Variants in SRGAP1 observed in about 807,000 individuals in gnomAD.
SRGAP1 encodes the protein SLIT-ROBO Rho GTPase-activating protein 1.
A neutral mutation model predicts 121.9 loss-of-function variants in SRGAP1; 43 were observed. The ratio of observed to expected loss-of-function variants is 0.35; its 90% CI spans 0.28 to 0.46. The LOEUF is 0.46. Ranked by LOEUF, SRGAP1 falls within the 20% of genes least tolerant of loss-of-function variation. SRGAP1 has a pLI of 1.00. For missense variants in SRGAP1, 1,102 were observed against 1,350.9 expected (o/e 0.82, Z 2.89); for synonymous variants, 447 against 485.4 (o/e 0.92, Z 1.04).
intron 3 of SRGAP1, among the ~76,000 whole-genome samples, chr12:63,998,420 C>T (rs1185676977): frequency 6.6e-6 from 1 of 152,164 alleles, no homozygotes; most frequent in Non-Finnish European, 1.5e-5. Context: ...TAGTAACCTA[C>T]CTTCACAGGT....
intron 6 of SRGAP1, among the ~76,000 whole-genome samples, chr12:64,050,097 C>T (rs1451745629): frequency 6.6e-6 from 1 of 151,994 alleles, no homozygotes; most frequent in Non-Finnish European, 1.5e-5. Context: ...TTGTAGAGAT[C>T]TTTCACTTCT....
intron 1 of SRGAP1, among the ~76,000 whole-genome samples, chr12:63,979,131 C>A (rs1018658580): frequency 2.3e-4 from 33 of 146,544 alleles, no homozygotes; most frequent in African/African-American, 8.3e-4. Context: ...CCTCTGCCTG[C>A]CAGGTTCAAG....
rs78944154 is a variant in SRGAP1 at position 63,922,398 on chromosome 12, G to A, written c.68-61549G>A. 5.4e-4 allele frequency among the ~76,000 whole-genome samples: 82 copies of A among 152,274 alleles called. No individual in the cohort carries two copies. In the East Asian group the frequency reaches 0.015, roughly 29 times the overall value. ...AAAACAGGATTATTGTAAACAGAAG[G>A]CATTTCAGTAGCATTTACAGATTTG... On this transcript the variant is annotated intron_variant, in intron 1 of 21. Coordinates refer to ENST00000355086, the MANE Select transcript of SRGAP1 (RefSeq NM_020762.4).
chr12:64,075,844 A>G (rs1172628595), intron 8 of SRGAP1, among the ~76,000 whole-genome samples: 1 of 151,766 alleles, frequency 6.6e-6, no homozygotes, highest in African/African-American at 2.4e-5. Context: ...TTTAATATTA[A>G]TTCCATCACA....
chr12:64,112,032 A>G (rs1380870414), intron 17 of SRGAP1, 46 bp downstream of exon 17: 1 of 1,436,846 alleles, frequency 7.0e-7, no homozygotes, highest in African/African-American at 1.4e-5. Flanking sequence ...AAAATTATGG[A>G]AATATAGCTA....
rs377205843 is a variant in SRGAP1, at chr12:64,070,603, T to C, written c.1125+5384T>C. ...TTTGCGACAGTGTTGAATGAACAGA[T>C]AGCTCCACGTAAATTTTCCTAGCAC... On this transcript the variant is annotated intron_variant, in intron 8 of 21. Coordinates refer to ENST00000355086, the MANE Select transcript of SRGAP1 (RefSeq NM_020762.4). Among the ~76,000 whole-genome samples the C allele has an allele frequency of 2.0e-5, 3 of 152,312 alleles. No individual in the cohort carries two copies. In the East Asian group the frequency reaches 5.8e-4, roughly 29 times the overall value.
At chr12:63,912,083 A>G (rs1416877790) in intron 1 of SRGAP1, among the ~76,000 whole-genome samples, 1 of 152,086 alleles carries the variant, frequency 6.6e-6, no homozygotes, top group African/African-American at 2.4e-5. Context: ...GAGAAGGGGG[A>G]CATTATACAC....
chr12:64,043,688 CAAAAAG>C, intron 6 of SRGAP1, 113 bp downstream of exon 6: 1 of 755,918 alleles, frequency 1.3e-6, no homozygotes, highest in Non-Finnish European at 2.0e-6. Flanking sequence ...ACGTAATACT[CAAAAAG>C]AAAAAAATAC....
intron 1 of SRGAP1, among the ~76,000 whole-genome samples, chr12:63,916,615 CAG>C (rs2030790399): frequency 6.6e-6 from 1 of 152,056 alleles, no homozygotes. Context: ...GAAATGTGTG[CAG>C]AGTGTTCTAA....
At chr12:63,941,809 G>A (rs2031879469) in intron 1 of SRGAP1, among the ~76,000 whole-genome samples, 1 of 152,200 alleles carries the variant, frequency 6.6e-6, no homozygotes, top group South Asian at 2.1e-4. Flanking sequence ...TGATGCCAAC[G>A]AGCCTGGATT....
At chr12:63,944,853 G>A (rs535310418) in intron 1 of SRGAP1, among the ~76,000 whole-genome samples, 1 of 152,180 alleles carries the variant, frequency 6.6e-6, no homozygotes. Flanking sequence ...TGCACAGTGA[G>A]GCACAAAGTG....
chr12:64,099,423 A>C (rs1251548472), intron 15 of SRGAP1, among the ~76,000 whole-genome samples: 1 of 152,210 alleles, frequency 6.6e-6, no homozygotes, highest in African/African-American at 2.4e-5. Flanking sequence ...GAGCATGTTA[A>C]GTTAAATAGA....
At chr12:64,128,809 T>TC (rs2036740176) in intron 21 of SRGAP1, among the ~76,000 whole-genome samples, 1 of 152,236 alleles carries the variant, frequency 6.6e-6, no homozygotes, top group African/African-American at 2.4e-5. Flanking sequence ...CTGAACACAT[T>TC]CAGGTCTTTG....
intron 10 of SRGAP1, among the ~76,000 whole-genome samples, chr12:64,085,810 G>GGAGAT (rs2035926444): frequency 2.6e-5 from 4 of 152,196 alleles, no homozygotes; most frequent in Middle Eastern, 3.2e-3. Flanking sequence ...AGGAGGAAGA[G>GGAGAT]GAGATTCTTC....
At chr12:63,899,601 C>T (rs985990888) in intron 1 of SRGAP1, among the ~76,000 whole-genome samples, 3 of 152,134 alleles carry the variant, frequency 2.0e-5, no homozygotes, top group Admixed American at 6.6e-5. Context: ...TTAACACCTC[C>T]GCGTTTGCCT....
At chr12:64,016,043 C>CTG (rs1163186559) in intron 3 of SRGAP1, among the ~76,000 whole-genome samples, 2 of 152,110 alleles carry the variant, frequency 1.3e-5, no homozygotes, top group African/African-American at 4.8e-5. Context: ...TTTTTACCAA[C>CTG]TGGGTAGAAG....
Position 64,156,662 on chromosome 12 carries a change from C to T in SRGAP1, c.*13990C>T, listed in dbSNP as rs1271060116. The T allele has an allele frequency of 6.6e-6, 1 of 152,114 alleles. No homozygotes were observed. Among genetic ancestry groups the T allele is most frequent in the East Asian group, 1.9e-4 (1 of 5,188 alleles). The allele number at this position is 152,114 out of a possible 1,614,324, so 9.4% of individuals were successfully genotyped here. On this transcript the variant is annotated 3_prime_UTR_variant, in exon 22 of 22. Coordinates refer to ENST00000355086, the MANE Select transcript of SRGAP1 (RefSeq NM_020762.4). ...TAATCTAGCCTTATTACACCGAGTA[C>T]AACAGGGAATAATAAGCCATCTATC... is the stretch of plus-strand genomic sequence containing the variant.
At chr12:63,946,293 C>CTTTTTTTTTTTTTTTT (rs77103965) in intron 1 of SRGAP1, among the ~76,000 whole-genome samples, 1 of 136,740 alleles carries the variant, frequency 7.3e-6, no homozygotes, top group African/African-American at 2.7e-5. Flanking sequence ...CTTTTTTTTT[C>CTTTTTTTTTTTTTTTT]TTTTTTTTTT....
rs6144742 is a variant in SRGAP1, at chr12:64,039,628, C to CGTGTGT, written c.490-3135_490-3130dup. Among the ~76,000 whole-genome samples, 243 of 130,892 alleles carry CGTGTGT rather than the reference C, an allele frequency of 1.9e-3. 9 individuals carry two copies. Among genetic ancestry groups the CGTGTGT allele is most frequent in the East Asian group, 6.1e-3 (28 of 4,624 alleles). 85.9% of individuals were successfully genotyped at this position (130,892 alleles called of 152,430 possible). A position where few individuals can be genotyped will look rare whatever the true frequency, so the allele number is the denominator to read the frequency against. ...AGCAAGAATACAGACAGCTGAGCAA[C>CGTGTGT]GTGTGTGTGTGTGTGTGTGTGTGTG... is the stretch of plus-strand genomic sequence containing the variant. On this transcript the variant is annotated intron_variant, in intron 4 of 21. Transcript: ENST00000355086.
Sources: gnomAD v4.1 joint callset for allele counts (sites outside exome capture counted in the v4.1 genomes callset) on GRCh38, gnomAD v4.1.1 for gene constraint, MANE v1.5 for transcripts, NCBI Gene and HGNC (gene_info 2026-07-23, HGNC 2026-07-21) for gene names.